Variants in MUC17 observed in about 807,000 individuals in gnomAD.
MUC17 encodes the protein mucin 17, cell surface associated, also known as mucin-17.
Under a neutral mutation model 170.3 loss-of-function variants are expected in MUC17, and 190 were observed. That is an observed-to-expected ratio of 1.12 (90% CI 0.99 to 1.26). The LOEUF is 1.26. MUC17 is among the 50% of genes most tolerant of loss of function. The pLI is 0.00. For synonymous variants in MUC17, 2,325 were observed against 2,002.5 expected, an observed-to-expected ratio of 1.16 and a Z score of -4.30; for missense variants, 6,415 against 5,530.0, an observed-to-expected ratio of 1.16 and a Z score of -5.08.
chr7:101,056,629 G>GCTTA (rs1432521353), intron 12 of MUC17, among the ~76,000 whole-genome samples: 1 of 152,124 alleles, frequency 6.6e-6, no homozygotes, highest in African/African-American at 2.4e-5. Context: ...GCTCAACAAG[G>GCTTA]CTTAACATGC....
At chr7:101,054,310 G>A (rs934253389) in intron 11 of MUC17, among the ~76,000 whole-genome samples, 3 of 152,124 alleles carry the variant, frequency 2.0e-5, no homozygotes, top group African/African-American at 7.2e-5. Context: ...GCTCGGGAGT[G>A]GGTGAGCTCA....
Position 101,041,796 on chromosome 7 carries a change from A to T in MUC17, c.10380A>T (p.Leu3460Phe). 6.2e-7 allele frequency: 1 copy of T among 1,613,688 alleles called. No homozygotes were observed. Among genetic ancestry groups the T allele is most frequent in the Non-Finnish European group, 8.5e-7 (1 of 1,179,952 alleles). Reference sequence around the variant, plus strand: ...CTACTAGTGAAGGAAGCACTCCATTATCAATTATGCCTCTCAGTACCACGC... The same window carrying T: ...CTACTAGTGAAGGAAGCACTCCATTTTCAATTATGCCTCTCAGTACCACGC... The part of the protein sequence containing the change: ...TSTTSEGSTP[L>F]SIMPLSTTPV... Residue 3460 changes from leucine to phenylalanine, a missense_variant, in exon 3 of 13, where the codon TTA becomes TTT. By Grantham distance (22) the Leu-to-Phe change is conservative (BLOSUM62 0). Transcript: ENST00000306151.
Position 101,058,719 on chromosome 7 carries a change from T to C in MUC17, c.*675T>C, listed in dbSNP as rs1380698739. The C allele has an allele frequency of 6.6e-6, 1 of 152,186 alleles. No individual in the cohort carries two copies. Among genetic ancestry groups the C allele is most frequent in the Non-Finnish European group, 1.5e-5 (1 of 68,020 alleles). The allele number at this position is 152,186 out of a possible 1,614,324, so 9.4% of individuals were successfully genotyped here. A position where few individuals can be genotyped will look rare whatever the true frequency, so the allele number is the denominator to read the frequency against. On this transcript the variant is annotated 3_prime_UTR_variant, in exon 13 of 13. Transcript: ENST00000306151. ...CATGAAAAACACCTGTATTTAAATA[T>C]AGAGCATTTACCTTTTGGTATATAA... is the stretch of plus-strand genomic sequence containing the variant.
In MUC17 at chr7:101,037,739, C is replaced by A; in HGVS notation, c.6323C>A (p.Pro2108His). Residue 2108 changes from proline to histidine, a missense_variant, in exon 3 of 13, where the codon CCT becomes CAT. Coordinates refer to ENST00000306151, the MANE Select transcript of MUC17 (RefSeq NM_001040105.2). ...GGAAGTCCTCTACTAACAAGTATAC[C>A]TCTCAGCACCACGCCGGTGGCCAGT... ...SEGSPLLTSI[P>H]LSTTPVASPE... 1.2e-6 allele frequency: 2 copies of A among 1,613,536 alleles called. No homozygotes were observed. Among genetic ancestry groups the A allele is most frequent in the Non-Finnish European group, 1.7e-6 (2 of 1,179,810 alleles).
chr7:101,026,894 T>C (rs1794190154), intron 1 of MUC17, among the ~76,000 whole-genome samples: 1 of 152,176 alleles, frequency 6.6e-6, no homozygotes, highest in Non-Finnish European at 1.5e-5. Context: ...TTTTTTATTT[T>C]TAGTACAGAC....
rs1272724744 is a variant in MUC17 at position 101,041,664 on chromosome 7, T to G, written c.10248T>G (p.Val3416=). Residue 3416 remains valine (V), a synonymous_variant, in exon 3 of 13, where the codon GTT becomes GTG. Coordinates refer to ENST00000306151, the MANE Select transcript of MUC17 (RefSeq NM_001040105.2). ...VSTTPVVSSE[V]NTLSTTPVDS... The stretch of plus-strand genomic sequence containing the variant: ...CCACGCCGGTGGTCAGTTCTGAGGT[T>G]AACACCCTTTCAACAACTCCTGTGG... 1 of 1,613,580 alleles carries G rather than the reference T, an allele frequency of 6.2e-7. No individual in the cohort carries two copies. The highest frequency in any genetic ancestry group is 1.7e-5 in the Admixed American group (1 of 59,970).
At position 101,043,192 on chromosome 7, in the gene MUC17, G is replaced by A. The variant is rs763296992; in HGVS notation, c.11776G>A (p.Val3926Ile). Residue 3926 changes from valine to isoleucine, a missense_variant, in exon 3 of 13, where the codon GTA becomes ATA. Transcript: ENST00000306151. ...PTIPVATTIS[V>I]SVITEGSTPG... ...AATTCCTGTAGCCACCACCATATCT[G>A]TATCAGTGATCACAGAAGGAAGCAC... The A allele has an allele frequency of 1.4e-5, 22 of 1,613,926 alleles. No individual in the cohort carries two copies. Among genetic ancestry groups the A allele is most frequent in the East Asian group, 2.2e-5 (1 of 44,890 alleles).
At chr7:101,055,561 C>G (rs764007661) in intron 11 of MUC17, among the ~76,000 whole-genome samples, 1 of 152,024 alleles carries the variant, frequency 6.6e-6, no homozygotes, top group Non-Finnish European at 1.5e-5. Flanking sequence ...AAAAAATTAA[C>G]AAATTCACCA....
In MUC17 at chr7:101,038,507, A is replaced by G. The variant is rs778610831; in HGVS notation, c.7091A>G (p.Asp2364Gly). 3.7e-5 allele frequency: 60 copies of G among 1,604,598 alleles called. No homozygotes were observed. The highest frequency in any genetic ancestry group is 5.1e-5 in the Non-Finnish European group (60 of 1,174,296). ...ETSTLSTTPA[D>G]TSTPVTTYSQ... ...AGCACACTTTCTACAACTCCTGCTG[A>G]CACCAGCACACCTGTGACTACTTAT... Residue 2364 changes from aspartate to glycine, a missense_variant, in exon 3 of 13, where the codon GAC becomes GGC. By Grantham distance (94) the Asp-to-Gly change is moderately conservative (BLOSUM62 -1). Transcript: ENST00000306151.
At chr7:101,057,629 C>T (rs185700637) in intron 12 of MUC17, among the ~76,000 whole-genome samples, 3 of 152,130 alleles carry the variant, frequency 2.0e-5, no homozygotes, top group Admixed American at 6.6e-5. Context: ...CCTGTAATCC[C>T]GGCACTTGGG....
At chr7:101,057,911 C>A in intron 12 of MUC17, 92 bp from the exon 13 acceptor site, 1 of 1,063,306 alleles carries the variant, frequency 9.4e-7, no homozygotes, top group Non-Finnish European at 1.4e-6. Context: ...AATAATTAAA[C>A]AGAACACTTC....
intron 3 of MUC17, among the ~76,000 whole-genome samples, chr7:101,045,225 C>T (rs575250130): frequency 9.9e-5 from 15 of 152,236 alleles, no homozygotes; most frequent in Non-Finnish European, 1.9e-4. Context: ...TGAATAGGCT[C>T]ACAGGTATAT....
Position 101,034,961 on chromosome 7 carries a change from C to G in MUC17, c.3545C>G (p.Thr1182Arg), listed in dbSNP as rs754949058. 1.2e-6 allele frequency: 2 copies of G among 1,614,098 alleles called. No individual in the cohort carries two copies. The highest frequency in any genetic ancestry group is 2.2e-5 in the South Asian group (2 of 91,086). ...VVSSEANTLS[T>R]TPVDSKTQVA... ...AGTTCTGAGGCTAACACCCTTTCAACAACTCCTGTGGACTCCAAAACTCAG... is the reference window on the plus strand; with the variant it reads ...AGTTCTGAGGCTAACACCCTTTCAAGAACTCCTGTGGACTCCAAAACTCAG... Residue 1182 changes from threonine (T) to arginine (R), a missense_variant, in exon 3 of 13, where the codon ACA (threonine) becomes AGA (arginine). By Grantham distance (71) the Thr-to-Arg change is moderately conservative. Transcript: ENST00000306151.
At chr7:101,057,167 A>T (rs1426405798) in intron 12 of MUC17, among the ~76,000 whole-genome samples, 1 of 152,218 alleles carries the variant, frequency 6.6e-6, no homozygotes, top group East Asian at 1.9e-4. Flanking sequence ...CACTTCAACA[A>T]GTATATAACA....
intron 7 of MUC17, 112 bp from the exon 8 acceptor site, chr7:101,051,501 C>A (rs1444112989): frequency 1.1e-5 from 11 of 1,012,922 alleles, no homozygotes; most frequent in Non-Finnish European, 1.5e-5. Flanking sequence ...GGGCCGGATT[C>A]CCACCTCCCC....
In MUC17 at chr7:101,043,778, G is replaced by C; in HGVS notation, c.12362G>C (p.Ser4121Thr). 1.2e-6 allele frequency: 2 copies of C among 1,612,424 alleles called. No individual in the cohort carries two copies. Among genetic ancestry groups the C allele is most frequent in the Non-Finnish European group, 1.7e-6 (2 of 1,178,848 alleles). ...GTCCCCACGAATACTACAATTAAGA[G>C]CAACCCCACCTCAACTCCTACTGTG... The part of the protein sequence containing the change: ...TAVPTNTTIK[S>T]NPTSTPTVPR... The change falls in exon 3 of 13, where the codon AGC (serine) becomes ACC (threonine). Residue 4121 changes from serine to threonine, a missense_variant. Transcript: ENST00000306151.
Position 101,037,068 on chromosome 7 carries a change from C to G in MUC17, c.5652C>G (p.Thr1884=). The change falls in exon 3 of 13, where the codon ACC becomes ACG. Residue 1884 remains threonine (T), a synonymous_variant. Transcript: ENST00000306151. ...CCACAACAGTGGCCAGTTCTGAAAC[C>G]AACACCCTTTCAACAACTCCCGCTG... The part of the protein sequence containing the change: ...VSTTTVASSE[T]NTLSTTPAVT... 6.3e-7 allele frequency: 1 copy of G among 1,581,098 alleles called. No homozygotes were observed. Among genetic ancestry groups the G allele is most frequent in the Non-Finnish European group, 8.5e-7 (1 of 1,177,768 alleles).
In MUC17 at chr7:101,056,280, G is replaced by A. The variant is rs1311089612; in HGVS notation, c.13440+10G>A. On this transcript the variant is annotated intron_variant, in intron 12 of 12. Transcript: ENST00000306151. ...AGACCCTGAAACAAAGGTAAGAAGG[G>A]CCTGGATGGGATGCTGGCCTCCCCC... 4 of 1,613,438 alleles carry A rather than the reference G, an allele frequency of 2.5e-6. No homozygotes were observed. The highest frequency in any genetic ancestry group is 3.4e-6 in the Non-Finnish European group (4 of 1,179,628).
rs752654958 is a variant in MUC17 at position 101,033,472 on chromosome 7, G to A, written c.2056G>A (p.Gly686Arg). ...TSMPTSTYTE[G>R]STPLTSMPVN... ...CATGCCAACCTCAACTTATACTGAA[G>A]GAAGCACTCCATTAACAAGTATGCC... The change falls in exon 3 of 13, where the codon GGA becomes AGA. Residue 686 changes from glycine to arginine, a missense_variant. By Grantham distance (125) the Gly-to-Arg change is moderately radical (BLOSUM62 -2). Coordinates refer to ENST00000306151, the MANE Select transcript of MUC17 (RefSeq NM_001040105.2). The A allele has an allele frequency of 2.7e-5, 44 of 1,609,942 alleles. No individual in the cohort carries two copies. The highest frequency in any genetic ancestry group is 3.6e-5 in the Non-Finnish European group (42 of 1,178,870).
Sources: gnomAD v4.1 joint callset for allele counts (sites outside exome capture counted in the v4.1 genomes callset) on GRCh38, gnomAD v4.1.1 for gene constraint, MANE v1.5 for transcripts, NCBI Gene and HGNC (gene_info 2026-07-23, HGNC 2026-07-21) for gene names.